The following BTD variants were observed in gnomAD, a reference collection of about 807,000 sequenced individuals.
BTD encodes biocytinase.
Under a neutral mutation model 17.7 loss-of-function variants are expected in BTD, and 13 were observed. The ratio of observed to expected loss-of-function variants is 0.74; its 90% CI spans 0.48 to 1.17. The LOEUF (loss-of-function observed/expected upper bound fraction) is 1.17. Ranked by LOEUF, BTD falls within the 50% of genes most tolerant of loss-of-function variation. The probability of loss-of-function intolerance (pLI) is 0.00; values close to 1 mark genes in which losing one functional copy is unlikely to be tolerated. For missense variants in BTD, 674 were observed against 650.4 expected, an observed-to-expected ratio of 1.04 and a Z score of -0.39; for synonymous variants, 240 against 245.2, an observed-to-expected ratio of 0.98 and a Z score of 0.20.
intron 2 of BTD, among the ~76,000 whole-genome samples, chr3:15,641,097 G>A (rs780535783): frequency 9.2e-5 from 14 of 152,188 alleles, no homozygotes; most frequent in Non-Finnish European, 1.8e-4. Flanking sequence ...GCTGAGGGCG[G>A]CCCTGTTTGT....
intron 3 of BTD, among the ~76,000 whole-genome samples, chr3:15,678,795 T>C (rs2067222809): frequency 6.6e-6 from 1 of 152,218 alleles, no homozygotes; most frequent in South Asian, 2.1e-4. Flanking sequence ...TAAAATAGTT[T>C]AAAGGAGGAA....
chr3:15,705,343 T>C (rs2071211306), intron 3 of BTD, among the ~76,000 whole-genome samples: 1 of 152,162 alleles, frequency 6.6e-6, no homozygotes, highest in South Asian at 2.1e-4. Context: ...TGTGTGTGAA[T>C]TCAGGTTTAG....
At chr3:15,706,314 C>A (rs1385478150) in intron 3 of BTD, among the ~76,000 whole-genome samples, 3 of 151,614 alleles carry the variant, frequency 2.0e-5, no homozygotes, top group Non-Finnish European at 4.4e-5. Context: ...TTGTTCAATT[C>A]TCACCTATGA....
chr3:15,606,789 C>G (rs1418054629), intron 1 of BTD: 1 of 152,194 alleles, frequency 6.6e-6, no homozygotes, highest in East Asian at 1.9e-4. Flanking sequence ...ACTGGATTAA[C>G]AGGGCCAAGG....
In BTD at chr3:15,642,172, A is replaced by G. The variant is rs1261451757; in HGVS notation, c.399+115A>G. The G allele has an allele frequency of 3.9e-6, 6 of 1,533,694 alleles. No individual in the cohort carries two copies. The African/African-American group carries it at 8.2e-5, about 21-fold the overall frequency. Reference sequence around the variant, plus strand: ...GATAGGAGACCTTAACATCCCCAAAATCCAACCCAAACTCCCAAAGATCCA... The same window carrying G: ...GATAGGAGACCTTAACATCCCCAAAGTCCAACCCAAACTCCCAAAGATCCA... On this transcript the variant is annotated intron_variant, in intron 3 of 3. Transcript: ENST00000643237.
At chr3:15,720,443 GTCACC>G (rs1480376867) in intron 4 of BTD, among the ~76,000 whole-genome samples, 1 of 152,110 alleles carries the variant, frequency 6.6e-6, no homozygotes, top group Non-Finnish European at 1.5e-5. Flanking sequence ...CATCATACAT[GTCACC>G]TCTAAACACA....
intron 3 of BTD, among the ~76,000 whole-genome samples, chr3:15,672,668 C>T (rs1469070358): frequency 6.6e-6 from 1 of 152,162 alleles, no homozygotes; most frequent in Non-Finnish European, 1.5e-5. Flanking sequence ...GCAGAACAAC[C>T]CATTACATAG....
At chr3:15,679,493 A>G in intron 3 of BTD, 1 of 1,613,956 alleles carries the variant, frequency 6.2e-7, no homozygotes, top group African/African-American at 1.3e-5. Flanking sequence ...AATGCAATGG[A>G]CTAAAAGCAT....
intron 3 of BTD, among the ~76,000 whole-genome samples, chr3:15,693,440 T>C (rs912592247): frequency 2.6e-5 from 4 of 151,676 alleles, no homozygotes; most frequent in Non-Finnish European, 5.9e-5. Context: ...AGAATACAAA[T>C]GAGAATTTCT....
At chr3:15,698,427 T>C (rs1575217971) in intron 3 of BTD, among the ~76,000 whole-genome samples, 1 of 152,096 alleles carries the variant, frequency 6.6e-6, no homozygotes, top group East Asian at 1.9e-4. Context: ...GGGTATTCAA[T>C]TAGGAAAAGA....
chr3:15,701,770 A>C (rs1277131228), intron 3 of BTD, among the ~76,000 whole-genome samples: 2 of 152,194 alleles, frequency 1.3e-5, no homozygotes, highest in Admixed American at 6.5e-5. Context: ...TGTTTCACAA[A>C]CTAATTCTGA....
chr3:15,642,168 CA>C, intron 3 of BTD, 111 bp downstream of exon 3: 1 of 1,537,374 alleles, frequency 6.5e-7, no homozygotes, highest in Non-Finnish European at 8.8e-7. Context: ...TTAACATCCC[CA>C]AAATCCAACC....
chr3:15,721,166 T>G, intron 4 of BTD: 1 of 1,559,318 alleles, frequency 6.4e-7, no homozygotes. Flanking sequence ...TAAAGTAGTT[T>G]TGCTAATTAT....
At chr3:15,678,474 T>A in intron 3 of BTD, 1 of 868,186 alleles carries the variant, frequency 1.2e-6, no homozygotes, top group Non-Finnish European at 1.7e-6. Context: ...ACAAAAGCAC[T>A]GCCTGTACAC....
At chr3:15,686,003 C>G in intron 3 of BTD, 5 of 1,612,074 alleles carry the variant, frequency 3.1e-6, no homozygotes, top group Non-Finnish European at 4.2e-6. Context: ...TCTGCTTACC[C>G]CTCTATGCAA....
At position 15,645,175 on chromosome 3, in the gene BTD, T is replaced by C. The variant is rs1575031012; in HGVS notation, c.1259T>C (p.Leu420Pro). 1.2e-6 allele frequency: 2 copies of C among 1,614,170 alleles called. No individual in the cohort carries two copies. The highest frequency in any genetic ancestry group is 1.3e-5 in the African/African-American group (1 of 75,052). ...ACCTTATCCAAAGAGCTGTATGCCCTGGGGGTCTTTGATGGGCTTCACACA... is the reference window on the plus strand; with the variant it reads ...ACCTTATCCAAAGAGCTGTATGCCCCGGGGGTCTTTGATGGGCTTCACACA... The part of the protein sequence containing the change: ...RPTLSKELYA[L>P]GVFDGLHTVH... The change falls in exon 4 of 4, where the codon CTG becomes CCG. Residue 420 changes from leucine to proline, a missense_variant. By Grantham distance (98) the Leu-to-Pro change is moderately conservative. Coordinates refer to ENST00000643237, the MANE Select transcript of BTD (RefSeq NM_001370658.1).
intron 1 of BTD, among the ~76,000 whole-genome samples, chr3:15,604,626 C>A (rs1400962979): frequency 6.6e-6 from 1 of 152,198 alleles, no homozygotes; most frequent in Admixed American, 6.5e-5. Flanking sequence ...TTTTTATTTT[C>A]TACTGCATCG....
chr3:15,642,479 G>T (rs1195941813), intron 3 of BTD, among the ~76,000 whole-genome samples: 1 of 142,760 alleles, frequency 7.0e-6, no homozygotes, highest in Non-Finnish European at 1.5e-5. Context: ...TTTTGAGATG[G>T]AGTCTTACTC....
Position 15,601,852 on chromosome 3 carries a change from T to A in BTD, c.-59T>A, listed in dbSNP as rs768258310. 4.7e-5 allele frequency: 76 copies of A among 1,613,994 alleles called. No homozygotes were observed. Among genetic ancestry groups the A allele is most frequent in the Non-Finnish European group, 6.1e-5 (72 of 1,180,030 alleles). On this transcript the variant is annotated 5_prime_UTR_variant, in exon 1 of 4. It removes an upstream start codon present in the reference 5' UTR. Transcript: ENST00000643237. ...CGTTTTCGGGGCTGTAAAGGGAGAATGGCGCATGCGCATATTCAGGGCGGA... is the reference window on the plus strand; with the variant it reads ...CGTTTTCGGGGCTGTAAAGGGAGAAAGGCGCATGCGCATATTCAGGGCGGA...
Sources: gnomAD v4.1 joint callset for allele counts (sites outside exome capture counted in the v4.1 genomes callset) on GRCh38, gnomAD v4.1.1 for gene constraint, MANE v1.5 for transcripts, NCBI Gene and HGNC (gene_info 2026-07-23, HGNC 2026-07-21) for gene names.